The following FLT3 variants were observed in gnomAD, a reference collection of about 807,000 sequenced individuals.
The protein encoded by FLT3 is receptor-type tyrosine-protein kinase FLT3.
A neutral mutation model predicts 126.6 loss-of-function variants in FLT3; 46 were observed. The ratio of observed to expected loss-of-function variants is 0.36; its 90% CI spans 0.29 to 0.46. The LOEUF (loss-of-function observed/expected upper bound fraction) is 0.46. FLT3 is among the 20% of genes least tolerant of loss of function. The pLI, the probability that FLT3 is intolerant of heterozygous loss-of-function variation, is 1.00. For missense variants in FLT3, 1,069 were observed against 1,190.3 expected (o/e 0.90, Z 1.50); for synonymous variants, 404 against 434.4 (o/e 0.93, Z 0.87).
intron 15 of FLT3, among the ~76,000 whole-genome samples, chr13:28,030,388 C>A (rs191265646): frequency 6.6e-6 from 1 of 152,118 alleles, no homozygotes; most frequent in African/African-American, 2.4e-5. Flanking sequence ...TTTCATGTAC[C>A]ATTACCTCTT....
At chr13:28,058,801 T>C (rs1876268398) in intron 3 of FLT3, among the ~76,000 whole-genome samples, 1 of 152,238 alleles carries the variant, frequency 6.6e-6, no homozygotes, top group African/African-American at 2.4e-5. Context: ...TAGCAGGATA[T>C]ATACTTGATT....
At chr13:28,038,336 C>T (rs1214999319) in intron 9 of FLT3, among the ~76,000 whole-genome samples, 6 of 151,946 alleles carry the variant, frequency 3.9e-5, no homozygotes, top group East Asian at 3.8e-4. Context: ...AATATGCCTT[C>T]GTGCACTCAC....
At chr13:28,043,684 T>A (rs369060477) in intron 9 of FLT3, among the ~76,000 whole-genome samples, 163 of 152,214 alleles carry the variant, frequency 1.1e-3, no homozygotes, top group African/African-American at 3.7e-3. Context: ...CTTTCTATAA[T>A]AAAAAGTCAA....
rs990193830 is a variant in FLT3 at position 28,045,578 on chromosome 13, G to C, written c.1205+2697C>G. 2.0e-5 allele frequency among the ~76,000 whole-genome samples: 3 copies of C among 152,156 alleles called. No homozygotes were observed. In the East Asian group the frequency reaches 5.8e-4, roughly 29 times the overall value. On this transcript the variant is annotated intron_variant, in intron 9 of 23. Transcript: ENST00000241453. ...ACCTTCTACATTTAAAAGCTTGATGGGCCAGGCGCGGTGGCTCACGCCTGT... is the reference window on the plus strand; with the variant it reads ...ACCTTCTACATTTAAAAGCTTGATGCGCCAGGCGCGGTGGCTCACGCCTGT...
intron 3 of FLT3, among the ~76,000 whole-genome samples, chr13:28,059,259 T>C (rs2137761110): frequency 6.6e-6 from 1 of 152,116 alleles, no homozygotes; most frequent in East Asian, 1.9e-4. Flanking sequence ...TTGCAGGCCA[T>C]TTGGGTACTG....
In FLT3 at chr13:28,033,787, A is replaced by G. The variant is rs1873570664; in HGVS notation, c.1942+100T>C. 3.4e-5 allele frequency: 31 copies of G among 912,640 alleles called. 1 individual carries two copies. The South Asian group carries it at 4.5e-4, about 13-fold the overall frequency. The allele number at this position is 912,640 out of a possible 1,614,324, so 56.5% of individuals were successfully genotyped here. On this transcript the variant is annotated intron_variant, in intron 15 of 23. Transcript: ENST00000241453. ...TTTTTAGCCTTGAAACATGGCAAAC[A>G]GTAACCATTAAAAGGATGGAAAAGA...
intron 1 of FLT3, among the ~76,000 whole-genome samples, chr13:28,095,840 T>G (rs1191407051): frequency 5.9e-5 from 9 of 152,236 alleles, no homozygotes; most frequent in Non-Finnish European, 1.5e-5. Context: ...GATATGTTGT[T>G]GAAGCCGAGG....
At chr13:28,012,650 C>A (rs1250529545) in intron 23 of FLT3, among the ~76,000 whole-genome samples, 1 of 152,108 alleles carries the variant, frequency 6.6e-6, no homozygotes, top group African/African-American at 2.4e-5. Context: ...TCAGTCCTCT[C>A]TTAGCCAGGC....
At chr13:28,017,428 T>C (rs565476414) in intron 20 of FLT3, among the ~76,000 whole-genome samples, 3 of 152,168 alleles carry the variant, frequency 2.0e-5, no homozygotes, top group African/African-American at 7.2e-5. Context: ...TGTCTCACCA[T>C]GTTCCATAGG....
In FLT3 at chr13:28,011,333, A is replaced by AGAGAGGAGGG. The variant is rs1871334789; in HGVS notation, c.2859+3118_2859+3119insCCCTCCTCTC. ...TCAAAAAAAAAGAAAAGAGGAGAGGAGAGGGGAGGGGAGGGGAGGGGAGGG... is the reference window on the plus strand; with the variant it reads ...TCAAAAAAAAAGAAAAGAGGAGAGGAGAGAGGAGGGGAGGGGAGGGGAGGGGAGGGGAGGG... On this transcript the variant is annotated intron_variant, in intron 23 of 23. Transcript: ENST00000241453. Among the ~76,000 whole-genome samples, 5 of 84,836 alleles carry AGAGAGGAGGG rather than the reference A, an allele frequency of 5.9e-5. No individual in the cohort carries two copies. The South Asian group carries it at 2.2e-3, about 37-fold the overall frequency. 55.7% of individuals were successfully genotyped at this position (84,836 alleles called of 152,430 possible).
chr13:28,018,563 C>T lies in FLT3; in HGVS notation c.2445G>A (p.Arg815=), dbSNP rs756430183. Residue 815 remains arginine (R), a synonymous_variant, in exon 20 of 24, where the codon AGG becomes AGA. Transcript: ENST00000241453. ...KSCVHRDLAA[R]NVLVTHGKVV... ...CTTTCCCGTGGGTGACAAGCACGTT[C>T]CTGGCGGCCAGGTCTCTGTGAACAC... is the stretch of plus-strand genomic sequence containing the variant. The T allele has an allele frequency of 1.2e-5, 20 of 1,614,174 alleles. No individual in the cohort carries two copies. The highest frequency in any genetic ancestry group is 1.5e-5 in the Non-Finnish European group (18 of 1,180,026).
chr13:28,038,707 A>G (rs980689009), intron 9 of FLT3, among the ~76,000 whole-genome samples: 2 of 151,746 alleles, frequency 1.3e-5, no homozygotes, highest in Admixed American at 1.3e-4. Context: ...CCTGCCTCAG[A>G]CTCCCAAAGC....
At chr13:28,009,086 C>A (rs929863592) in intron 23 of FLT3, among the ~76,000 whole-genome samples, 1 of 152,120 alleles carries the variant, frequency 6.6e-6, no homozygotes, top group Non-Finnish European at 1.5e-5. Context: ...AGGGAATCCT[C>A]CCAGCTCAGC....
At chr13:28,072,744 CT>C (rs1480194690) in intron 1 of FLT3, among the ~76,000 whole-genome samples, 2 of 151,946 alleles carry the variant, frequency 1.3e-5, no homozygotes, top group Admixed American at 1.3e-4. Context: ...TGGCTCACAC[CT>C]GTAATCCCAG....
intron 23 of FLT3, among the ~76,000 whole-genome samples, chr13:28,006,381 T>G (rs1870898342): frequency 6.6e-6 from 1 of 151,744 alleles, no homozygotes; most frequent in South Asian, 2.1e-4. Context: ...AACCAGGTGT[T>G]GCACAATGAC....
intron 1 of FLT3, among the ~76,000 whole-genome samples, chr13:28,092,766 A>T (rs1226845395): frequency 1.3e-5 from 2 of 151,602 alleles, no homozygotes; most frequent in Non-Finnish European, 2.9e-5. Flanking sequence ...ACCAACAGCA[A>T]TGATTACCCT....
intron 4 of FLT3, 90 bp downstream of exon 4, chr13:28,057,257 G>T: frequency 2.7e-6 from 2 of 734,732 alleles, no homozygotes; most frequent in East Asian, 2.6e-5. Flanking sequence ...AATATGTCTA[G>T]AGGAGCTGGT....
intron 1 of FLT3, among the ~76,000 whole-genome samples, chr13:28,097,193 A>G (rs971194175): frequency 4.0e-5 from 6 of 151,840 alleles, no homozygotes; most frequent in African/African-American, 1.5e-4. Flanking sequence ...TCCAGCCTCA[A>G]TGACAAAGGG....
Position 28,004,042 on chromosome 13 carries a change from A to C in FLT3, c.*10T>G, listed in dbSNP as rs200471125. On this transcript the variant is annotated 3_prime_UTR_variant, in exon 24 of 24. Coordinates refer to ENST00000241453, the MANE Select transcript of FLT3 (RefSeq NM_004119.3). ...TGGAGGGATGAAGTCCTTAAAACTA[A>C]ATTGTTCCTCTACGAATCTTCGACC... 4 of 1,614,116 alleles carry C rather than the reference A, an allele frequency of 2.5e-6. No homozygotes were observed. The highest frequency in any genetic ancestry group is 3.4e-6 in the Non-Finnish European group (4 of 1,180,000).
Sources: gnomAD v4.1 joint callset for allele counts (sites outside exome capture counted in the v4.1 genomes callset) on GRCh38, gnomAD v4.1.1 for gene constraint, MANE v1.5 for transcripts, NCBI Gene and HGNC (gene_info 2026-07-23, HGNC 2026-07-21) for gene names.